IL20RB: variants seen among roughly 807,000 people sequenced by gnomAD.
The protein encoded by IL20RB is interleukin 20 receptor subunit beta.
Under a neutral mutation model 33.3 loss-of-function variants are expected in IL20RB, and 21 were observed. That is an observed-to-expected ratio of 0.63 (90% CI 0.45 to 0.91). The LOEUF (loss-of-function observed/expected upper bound fraction) is 0.91. Among genes scored for constraint, IL20RB ranks in the 40% least tolerant of loss-of-function variants. IL20RB has a pLI of 0.00. For synonymous variants in IL20RB, 147 were observed against 146.8 expected (o/e 1.00, Z -0.01); for missense variants, 345 against 384.8 (o/e 0.90, Z 0.86).
intron 5 of IL20RB, among the ~76,000 whole-genome samples, chr3:136,993,748 C>T (rs774892061): frequency 6.6e-6 from 1 of 152,114 alleles, no homozygotes; most frequent in South Asian, 2.1e-4. Context: ...TGTGGTGGCT[C>T]ATGCCTGTAA....
chr3:136,958,040 G>A lies in IL20RB; in HGVS notation c.-74G>A, dbSNP rs1941089237. The A allele has an allele frequency of 2.1e-6, 2 of 933,316 alleles. No homozygotes were observed. The highest frequency in any genetic ancestry group is 3.3e-5 in the African/African-American group (2 of 60,778). 57.8% of individuals were successfully genotyped at this position (933,316 alleles called of 1,614,324 possible). On this transcript the variant is annotated 5_prime_UTR_variant, in exon 1 of 7. Coordinates refer to ENST00000329582, the MANE Select transcript of IL20RB (RefSeq NM_144717.4). ...TCAGCTCCAACATATGCATTCTGAA[G>A]AAAGATGGCTGAGATGGACAGAATG...
chr3:136,979,016 G>A (rs1166506762), intron 1 of IL20RB, among the ~76,000 whole-genome samples: 3 of 152,118 alleles, frequency 2.0e-5, no homozygotes, highest in Non-Finnish European at 4.4e-5. Context: ...ATGTAGCTTT[G>A]TATTTATATA....
intron 4 of IL20RB, among the ~76,000 whole-genome samples, chr3:136,989,869 TCTCC>T (rs775423255): frequency 6.6e-6 from 1 of 152,072 alleles, no homozygotes; most frequent in Non-Finnish European, 1.5e-5. Flanking sequence ...ATGCCTTTTT[TCTCC>T]CTCATCAGCT....
At chr3:136,977,774 C>G (rs1015834488) in intron 1 of IL20RB, among the ~76,000 whole-genome samples, 1 of 152,138 alleles carries the variant, frequency 6.6e-6, no homozygotes, top group African/African-American at 2.4e-5. Flanking sequence ...GATCTGCCTG[C>G]CTTGGTCTCC....
chr3:136,995,612 G>A lies in IL20RB; in HGVS notation c.825+56G>A, dbSNP rs1011099348. 3.2e-6 allele frequency: 5 copies of A among 1,563,368 alleles called. No homozygotes were observed. The African/African-American group carries it at 5.4e-5, about 17-fold the overall frequency. On this transcript the variant is annotated intron_variant, in intron 6 of 6. Coordinates refer to ENST00000329582, the MANE Select transcript of IL20RB (RefSeq NM_144717.4). The stretch of plus-strand genomic sequence containing the variant: ...ATAACACTGACCAGATGTAGTTTGG[G>A]CCTTAGCTGGGCATGGGCACATGTT...
intron 1 of IL20RB, chr3:136,969,307 CT>C: frequency 8.7e-6 from 1 of 115,186 alleles, no homozygotes. Context: ...TCGTTGCCGC[CT>C]TGCAGTTTGA....
intron 6 of IL20RB, among the ~76,000 whole-genome samples, chr3:137,002,291 G>C (rs940722791): frequency 6.6e-6 from 1 of 152,150 alleles, no homozygotes; most frequent in Non-Finnish European, 1.5e-5. Context: ...TATCTACCAG[G>C]TAATGGGATT....
At chr3:136,966,093 T>A (rs1218101129) in intron 1 of IL20RB, among the ~76,000 whole-genome samples, 1 of 134,250 alleles carries the variant, frequency 7.4e-6, no homozygotes, top group Non-Finnish European at 1.6e-5. Context: ...CTGGATTCGG[T>A]TTGCCAGTAT....
intron 4 of IL20RB, among the ~76,000 whole-genome samples, chr3:136,990,555 G>C (rs1265139705): frequency 6.6e-6 from 1 of 152,052 alleles, no homozygotes; most frequent in Non-Finnish European, 1.5e-5. Flanking sequence ...TCTCTCCTTT[G>C]TCCCTGCTTC....
intron 1 of IL20RB, among the ~76,000 whole-genome samples, chr3:136,961,867 A>C (rs1214709242): frequency 6.6e-6 from 1 of 152,214 alleles, no homozygotes; most frequent in African/African-American, 2.4e-5. Flanking sequence ...AAATTTAAAA[A>C]TCTATTAATA....
intron 1 of IL20RB, among the ~76,000 whole-genome samples, chr3:136,970,115 AG>A (rs2108181554): frequency 6.6e-6 from 1 of 151,186 alleles, no homozygotes; most frequent in South Asian, 2.1e-4. Context: ...TTTTTTAGAC[AG>A]GGTCACACTC....
At position 136,995,442 on chromosome 3, in the gene IL20RB, G is replaced by A. The variant is rs1942106882; in HGVS notation, c.711G>A (p.Leu237=). 1 of 1,614,136 alleles carries A rather than the reference G, an allele frequency of 6.2e-7. No homozygotes were observed. Among genetic ancestry groups the A allele is most frequent in the Non-Finnish European group, 8.5e-7 (1 of 1,180,026 alleles). The part of the protein sequence containing the change: ...QGEAIPLVLA[L]FAFVGFMLIL... ...AGGCCATTCCCCTGGTACTGGCCCT[G>A]TTTGCCTTTGTTGGCTTCATGCTGA... Residue 237 remains leucine (L), a synonymous_variant, in exon 6 of 7, where the codon CTG becomes CTA. Transcript: ENST00000329582.
At chr3:137,001,957 A>T (rs1942252077) in intron 6 of IL20RB, among the ~76,000 whole-genome samples, 1 of 152,046 alleles carries the variant, frequency 6.6e-6, no homozygotes, top group Non-Finnish European at 1.5e-5. Flanking sequence ...CCGGTGTGTG[A>T]TGTTCCCTGC....
chr3:136,987,999 C>T (rs533473268), intron 3 of IL20RB, among the ~76,000 whole-genome samples: 3 of 152,220 alleles, frequency 2.0e-5, no homozygotes, highest in Non-Finnish European at 2.9e-5. Flanking sequence ...CTGAGGGAGC[C>T]GGCTCCAGTC....
intron 1 of IL20RB, among the ~76,000 whole-genome samples, chr3:136,959,733 C>CA (rs1198319512): frequency 2.6e-5 from 4 of 151,940 alleles, no homozygotes; most frequent in Admixed American, 6.6e-5. Context: ...ACACACACAC[C>CA]AAAAAAACCT....
intron 1 of IL20RB, among the ~76,000 whole-genome samples, chr3:136,963,687 T>A (rs1181330098): frequency 6.5e-5 from 6 of 92,512 alleles, no homozygotes; most frequent in Admixed American, 1.2e-4. Flanking sequence ...CTTTTTTTTT[T>A]TTTTTATTTT....
chr3:136,987,913 A>T (rs1254093138), intron 3 of IL20RB, among the ~76,000 whole-genome samples: 4 of 152,056 alleles, frequency 2.6e-5, no homozygotes, highest in Non-Finnish European at 1.5e-5. Flanking sequence ...GCCCACCCGG[A>T]ACTCCAGCTG....
At chr3:136,980,277 A>G (rs1301790429) in intron 1 of IL20RB, 189 bp from the exon 2 acceptor site, 2 of 607,450 alleles carry the variant, frequency 3.3e-6, no homozygotes, top group East Asian at 3.0e-5. Flanking sequence ...TTTCTGGTTT[A>G]TAAACATGTG....
intron 6 of IL20RB, among the ~76,000 whole-genome samples, chr3:137,001,461 C>T (rs1009326335): frequency 1.3e-5 from 2 of 152,192 alleles, no homozygotes; most frequent in African/African-American, 2.4e-5. Context: ...CCCCTCTCTC[C>T]GCTATGACTT....
Sources: gnomAD v4.1 joint callset for allele counts (sites outside exome capture counted in the v4.1 genomes callset) on GRCh38, gnomAD v4.1.1 for gene constraint, MANE v1.5 for transcripts, NCBI Gene and HGNC (gene_info 2026-07-23, HGNC 2026-07-21) for gene names.